The following FANCL variants were observed in gnomAD, a reference collection of about 807,000 sequenced individuals.
FANCL encodes the protein FA complementation group L, also known as E3 ubiquitin-protein ligase FANCL.
Under a neutral mutation model 59.4 loss-of-function variants are expected in FANCL, and 69 were observed. The observed-to-expected ratio is 1.16, with a 90% CI of 0.96 to 1.42. FANCL has a LOEUF of 1.42. FANCL is among the 40% of genes most tolerant of loss of function. The pLI, the probability that FANCL is intolerant of heterozygous loss-of-function variation, is 0.00. For missense variants in FANCL, 519 were observed against 447.2 expected, an observed-to-expected ratio of 1.16 and a Z score of -1.45; for synonymous variants, 180 against 147.1, an observed-to-expected ratio of 1.22 and a Z score of -1.62.
rs138810712 is a variant in FANCL at position 58,179,707 on chromosome 2, A to G, written c.541-13833T>C. 2.3e-3 allele frequency among the ~76,000 whole-genome samples: 353 copies of G among 152,320 alleles called. 2 individuals carry two copies. Among genetic ancestry groups the G allele is most frequent in the Admixed American group, 0.02 (301 of 15,300 alleles). ...CTTCATGACTAAAACACCAAAAGCA[A>G]TGGCAACAAAAACTGACAAATGGGA... is the stretch of plus-strand genomic sequence containing the variant. On this transcript the variant is annotated intron_variant, in intron 7 of 13. Transcript: ENST00000233741.
At chr2:58,169,027 G>A (rs1316771253) in intron 7 of FANCL, among the ~76,000 whole-genome samples, 2 of 152,176 alleles carry the variant, frequency 1.3e-5, no homozygotes, top group African/African-American at 4.8e-5. Flanking sequence ...CACAGCTTCA[G>A]CAGACTTAAA....
At chr2:58,219,521 G>GA (rs1329696692) in intron 5 of FANCL, among the ~76,000 whole-genome samples, 2 of 151,544 alleles carry the variant, frequency 1.3e-5, no homozygotes, top group African/African-American at 4.9e-5. Context: ...TGGAGAGAGA[G>GA]AAAAAAACAG....
intron 13 of FANCL, 88 bp downstream of exon 13, chr2:58,160,020 A>G (rs1440845870): frequency 6.3e-7 from 1 of 1,578,580 alleles, no homozygotes; most frequent in African/African-American, 1.4e-5. Context: ...AGTTTTAGAT[A>G]AACTGATATA....
intron 6 of FANCL, among the ~76,000 whole-genome samples, chr2:58,203,674 C>T (rs1690282671): frequency 6.6e-6 from 1 of 151,928 alleles, no homozygotes; most frequent in South Asian, 2.1e-4. Context: ...CCAAAGCAAA[C>T]AAACTATAAA....
In FANCL at chr2:58,239,900, T is replaced by C. The variant is rs137969072; in HGVS notation, c.96+1318A>G. On this transcript the variant is annotated intron_variant, in intron 1 of 13. Coordinates refer to ENST00000233741, the MANE Select transcript of FANCL (RefSeq NM_018062.4). ...TACTTTTCTGTAAATTTAAAATATA[T>C]ACAAAATATTTTTAGACACGTAAAA... 2.2e-3 allele frequency among the ~76,000 whole-genome samples: 333 copies of C among 152,272 alleles called. 1 individual carries two copies. The highest frequency in any genetic ancestry group is 2.6e-3 in the Non-Finnish European group (174 of 67,992).
At chr2:58,195,275 G>A (rs1039646892) in intron 7 of FANCL, among the ~76,000 whole-genome samples, 1 of 151,964 alleles carries the variant, frequency 6.6e-6, no homozygotes, top group Non-Finnish European at 1.5e-5. Flanking sequence ...TCACACTGCT[G>A]GTACCATCCA....
At chr2:58,210,889 G>A (rs189631621) in intron 5 of FANCL, among the ~76,000 whole-genome samples, 1 of 152,262 alleles carries the variant, frequency 6.6e-6, no homozygotes, top group African/African-American at 2.4e-5. Flanking sequence ...ATGACCTTGG[G>A]GAGCTAGACC....
At chr2:58,169,090 C>T (rs1336164568) in intron 7 of FANCL, among the ~76,000 whole-genome samples, 1 of 152,178 alleles carries the variant, frequency 6.6e-6, no homozygotes, top group Non-Finnish European at 1.5e-5. Flanking sequence ...CCACAACACT[C>T]GAGCTCTGCT....
At chr2:58,198,500 G>T in intron 7 of FANCL, 94 bp downstream of exon 7, 2 of 1,035,978 alleles carry the variant, frequency 1.9e-6, no homozygotes, top group East Asian at 2.5e-5. Flanking sequence ...ATTTACAGAG[G>T]GCCCAAGAAA....
At chr2:58,189,580 T>G (rs950833677) in intron 7 of FANCL, among the ~76,000 whole-genome samples, 2 of 152,148 alleles carry the variant, frequency 1.3e-5, no homozygotes, top group African/African-American at 4.8e-5. Context: ...ATAACTGTTA[T>G]TAAATTATGT....
chr2:58,223,903 T>C (rs1692719155), intron 4 of FANCL, among the ~76,000 whole-genome samples: 1 of 151,940 alleles, frequency 6.6e-6, no homozygotes, highest in South Asian at 2.1e-4. Context: ...TATTTATTGG[T>C]GATTATAGTA....
intron 4 of FANCL, among the ~76,000 whole-genome samples, chr2:58,226,428 T>C (rs1693004923): frequency 6.6e-6 from 1 of 152,154 alleles, no homozygotes; most frequent in African/African-American, 2.4e-5. Context: ...AATCTCTTCT[T>C]AGATGTTAAA....
At chr2:58,169,627 AC>A in intron 7 of FANCL, among the ~76,000 whole-genome samples, 1 of 152,182 alleles carries the variant, frequency 6.6e-6, no homozygotes, top group Admixed American at 6.5e-5. Context: ...GCATGTTCTA[AC>A]CCAATGCAAG....
At chr2:58,163,290 C>T (rs1685480767) in intron 9 of FANCL, 144 bp downstream of exon 9, 1 of 744,804 alleles carries the variant, frequency 1.3e-6, no homozygotes, top group East Asian at 2.7e-5. Flanking sequence ...CATTACACTA[C>T]ATACTGGGCA....
intron 7 of FANCL, among the ~76,000 whole-genome samples, chr2:58,189,926 C>CT (rs910777069): frequency 4.4e-4 from 67 of 150,816 alleles, no homozygotes; most frequent in Middle Eastern, 3.4e-3. Flanking sequence ...CCTAATAATC[C>CT]TTTTTTTTTC....
intron 12 of FANCL, among the ~76,000 whole-genome samples, 193 bp from the exon 13 acceptor site, chr2:58,160,372 A>AG (rs1203121361): frequency 2.6e-5 from 4 of 152,060 alleles, no homozygotes; most frequent in Non-Finnish European, 4.4e-5. Flanking sequence ...TAACAAGGGA[A>AG]ATCAACATGG....
intron 1 of FANCL, among the ~76,000 whole-genome samples, chr2:58,234,217 T>A (rs1693820242): frequency 6.6e-6 from 1 of 151,834 alleles, no homozygotes; most frequent in Non-Finnish European, 1.5e-5. Context: ...ATAAACAAAT[T>A]ATAATAATAA....
At chr2:58,195,954 T>C (rs1169713216) in intron 7 of FANCL, among the ~76,000 whole-genome samples, 10 of 152,102 alleles carry the variant, frequency 6.6e-5, no homozygotes, top group Non-Finnish European at 1.2e-4. Context: ...CAAGGAAACA[T>C]GGAAGGATGT....
At chr2:58,241,093 T>A (rs955068308) in intron 1 of FANCL, 125 bp downstream of exon 1, 1 of 994,272 alleles carries the variant, frequency 1.0e-6, no homozygotes, top group Non-Finnish European at 1.5e-6. Context: ...CCAAGAGCCG[T>A]TACGCGCCGC....
Sources: allele counts gnomAD v4.1 joint callset (sites outside exome capture counted in the v4.1 genomes callset), GRCh38; gene constraint gnomAD v4.1.1; transcripts MANE v1.5; gene names NCBI Gene and HGNC (gene_info 2026-07-23, HGNC 2026-07-21).